Variants in SLC39A11 observed in about 807,000 individuals in gnomAD.
The protein encoded by SLC39A11 is solute carrier family 39 member 11.
In SLC39A11, 33 loss-of-function variants were observed where a neutral mutation model predicts 36.1. That is an observed-to-expected ratio of 0.91 (90% CI 0.69 to 1.22). The LOEUF (loss-of-function observed/expected upper bound fraction) is 1.22. SLC39A11 is among the 50% of genes most tolerant of loss of function. The probability of loss-of-function intolerance (pLI) is 0.00; values close to 1 mark genes in which losing one functional copy is unlikely to be tolerated. For synonymous variants in SLC39A11, 166 were observed against 170.3 expected (o/e 0.97, Z 0.20); for missense variants, 432 against 430.3 (o/e 1.00, Z -0.03).
intron 5 of SLC39A11, among the ~76,000 whole-genome samples, chr17:72,912,402 G>A (rs1008021346): frequency 3.3e-5 from 5 of 151,302 alleles, no homozygotes; most frequent in Non-Finnish European, 5.9e-5. Flanking sequence ...GAAAGTGGCT[G>A]TTAACATTAT....
intron 4 of SLC39A11, among the ~76,000 whole-genome samples, chr17:73,017,129 AG>A (rs1211335426): frequency 7.2e-5 from 11 of 152,298 alleles, no homozygotes; most frequent in African/African-American, 2.4e-4. Flanking sequence ...GAGAGAAACG[AG>A]GGGGAAAAAT....
At chr17:72,906,292 G>C (rs561392710) in intron 5 of SLC39A11, among the ~76,000 whole-genome samples, 2 of 152,370 alleles carry the variant, frequency 1.3e-5, no homozygotes, top group Admixed American at 1.3e-4. Flanking sequence ...GTCAGCCAGA[G>C]GTCTGAGCCA....
chr17:72,677,651 G>A (rs1045351381), intron 7 of SLC39A11, among the ~76,000 whole-genome samples: 1 of 152,142 alleles, frequency 6.6e-6, no homozygotes, highest in African/African-American at 2.4e-5. Flanking sequence ...GAATCACCTG[G>A]AGGGTTTGTT....
At chr17:72,666,538 TC>T (rs1348485763) in intron 7 of SLC39A11, among the ~76,000 whole-genome samples, 1 of 152,184 alleles carries the variant, frequency 6.6e-6, no homozygotes, top group Non-Finnish European at 1.5e-5. Flanking sequence ...TCTGCCTGGC[TC>T]CTGGCCAATG....
chr17:72,743,527 G>C (rs536501484), intron 6 of SLC39A11, among the ~76,000 whole-genome samples: 16 of 152,264 alleles, frequency 1.1e-4, no homozygotes, highest in Admixed American at 2.0e-4. Flanking sequence ...GCTGCCTTAG[G>C]AGGCATCAGC....
At chr17:72,954,781 C>CAGCT (rs2086127222) in intron 4 of SLC39A11, among the ~76,000 whole-genome samples, 1 of 152,166 alleles carries the variant, frequency 6.6e-6, no homozygotes, top group South Asian at 2.1e-4. Context: ...CGGCACCAGG[C>CAGCT]AGCTGCCCAG....
intron 5 of SLC39A11, among the ~76,000 whole-genome samples, chr17:72,910,576 A>T (rs2082927299): frequency 7.3e-6 from 1 of 136,480 alleles, no homozygotes; most frequent in Non-Finnish European, 1.5e-5. Flanking sequence ...GTGAGCAGAG[A>T]TCGTGTCACT....
chr17:73,084,437 CAAAAAAAAAAAA>C (rs67639617), intron 3 of SLC39A11, among the ~76,000 whole-genome samples: 897 of 61,670 alleles, frequency 0.015, 18 homozygotes, highest in African/African-American at 0.056. Flanking sequence ...GGCTCTGTCT[CAAAAAAAAAAAA>C]AAAAAAAAAA....
intron 5 of SLC39A11, among the ~76,000 whole-genome samples, chr17:72,932,400 C>T (rs1415191628): frequency 1.3e-5 from 2 of 151,912 alleles, no homozygotes; most frequent in Non-Finnish European, 2.9e-5. Context: ...CCCATCAACC[C>T]GTCACCTACA....
chr17:72,862,343 C>T (rs2080083573), intron 5 of SLC39A11, among the ~76,000 whole-genome samples: 1 of 152,060 alleles, frequency 6.6e-6, no homozygotes, highest in African/African-American at 2.4e-5. Flanking sequence ...GGTTCTGAGA[C>T]AGGAGGAAAA....
chr17:72,959,496 C>T (rs1035195510), intron 4 of SLC39A11, among the ~76,000 whole-genome samples: 1 of 151,616 alleles, frequency 6.6e-6, no homozygotes, highest in Non-Finnish European at 1.5e-5. Flanking sequence ...TATGTTCTCA[C>T]TGATATGTGG....
At chr17:72,986,688 G>A (rs530155897) in intron 4 of SLC39A11, among the ~76,000 whole-genome samples, 39 of 152,310 alleles carry the variant, frequency 2.6e-4, no homozygotes, top group African/African-American at 8.7e-4. Context: ...GGGGTGAACC[G>A]TGCACACATT....
chr17:72,760,382 T>A (rs1262549066), intron 6 of SLC39A11, among the ~76,000 whole-genome samples: 3 of 152,328 alleles, frequency 2.0e-5, no homozygotes, highest in African/African-American at 7.2e-5. Flanking sequence ...AAGAAAACCA[T>A]CTGCTTCCTG....
chr17:73,082,880 G>A (rs553527680), intron 3 of SLC39A11, among the ~76,000 whole-genome samples: 2 of 152,022 alleles, frequency 1.3e-5, no homozygotes, highest in South Asian at 4.2e-4. Flanking sequence ...GCCAGGCGTG[G>A]TGGTGCACAC....
chr17:72,864,652 C>T (rs1268855027), intron 5 of SLC39A11, among the ~76,000 whole-genome samples: 1 of 152,160 alleles, frequency 6.6e-6, no homozygotes, highest in Non-Finnish European at 1.5e-5. Context: ...TGCTCGTAAT[C>T]CAAAAATATT....
At chr17:72,778,701 T>C (rs974444159) in intron 6 of SLC39A11, among the ~76,000 whole-genome samples, 3 of 152,234 alleles carry the variant, frequency 2.0e-5, no homozygotes, top group African/African-American at 7.2e-5. Flanking sequence ...CATATGGTCA[T>C]TGATTTTATG....
chr17:72,787,489 C>T (rs542749996), intron 6 of SLC39A11, among the ~76,000 whole-genome samples: 43 of 151,750 alleles, frequency 2.8e-4, no homozygotes, highest in African/African-American at 1.0e-3. Context: ...GATCTCCTGA[C>T]CTCATGATCC....
intron 6 of SLC39A11, among the ~76,000 whole-genome samples, chr17:72,829,817 G>A (rs886709561): frequency 6.6e-6 from 1 of 151,952 alleles, no homozygotes; most frequent in African/African-American, 2.4e-5. Context: ...TTTTCTCCAC[G>A]TCACTAGTGT....
At chr17:72,899,982 GAA>G (rs2082238590) in intron 5 of SLC39A11, among the ~76,000 whole-genome samples, 13 of 75,596 alleles carry the variant, frequency 1.7e-4, no homozygotes, top group South Asian at 1.1e-3. Context: ...GAGAGAGAGA[GAA>G]AGAAAGAGAG....
Sources: gnomAD v4.1 joint callset for allele counts (sites outside exome capture counted in the v4.1 genomes callset) on GRCh38, gnomAD v4.1.1 for gene constraint, MANE v1.5 for transcripts, NCBI Gene and HGNC (gene_info 2026-07-23, HGNC 2026-07-21) for gene names.